The following LMAN2L variants were observed in gnomAD, a reference collection of about 807,000 sequenced individuals.
The protein encoded by LMAN2L is lectin, mannose binding 2 like, also known as VIP36-like protein.
LMAN2L carries 30 observed loss-of-function variants against 44.3 expected under a neutral mutation model. That is an observed-to-expected ratio of 0.68 (90% CI 0.51 to 0.92). LMAN2L has a LOEUF of 0.92. Ranked by LOEUF, LMAN2L falls within the 40% of genes least tolerant of loss-of-function variation. LMAN2L has a pLI of 0.00. For missense variants in LMAN2L, 429 were observed against 446.1 expected (o/e 0.96, Z 0.35); for synonymous variants, 183 against 171.1 (o/e 1.07, Z -0.54).
At chr2:96,714,930 G>A (rs1412763877) in intron 4 of LMAN2L, among the ~76,000 whole-genome samples, 1 of 151,976 alleles carries the variant, frequency 6.6e-6, no homozygotes, top group Non-Finnish European at 1.5e-5. Flanking sequence ...AGAGTGGGGT[G>A]CAGGATTGTT....
At chr2:96,708,238 CCA>C (rs2077828717) in intron 6 of LMAN2L, among the ~76,000 whole-genome samples, 1 of 152,198 alleles carries the variant, frequency 6.6e-6, no homozygotes, top group Non-Finnish European at 1.5e-5. Context: ...GCTGTAGCTC[CCA>C]GTGAGCCACA....
intron 1 of LMAN2L, among the ~76,000 whole-genome samples, chr2:96,738,688 A>T (rs2078568360): frequency 6.6e-6 from 1 of 152,102 alleles, no homozygotes; most frequent in African/African-American, 2.4e-5. Flanking sequence ...AAATATATAA[A>T]TATAAATAAA....
At chr2:96,725,216 C>T (rs72809827) in intron 4 of LMAN2L, among the ~76,000 whole-genome samples, 34,693 of 151,988 alleles carry the variant, frequency 0.23, 5,309 homozygotes, top group Non-Finnish European at 0.32. Flanking sequence ...TCTCAGCCTC[C>T]CAAAATCCCT....
intron 1 of LMAN2L, among the ~76,000 whole-genome samples, chr2:96,739,008 G>A (rs1321892230): frequency 6.6e-6 from 1 of 152,052 alleles, no homozygotes; most frequent in Non-Finnish European, 1.5e-5. Flanking sequence ...CCCAAAGTGC[G>A]GAGATTACAG....
chr2:96,714,271 T>A (rs1055336535), intron 4 of LMAN2L, among the ~76,000 whole-genome samples: 2 of 152,138 alleles, frequency 1.3e-5, no homozygotes, highest in South Asian at 2.1e-4. Flanking sequence ...GGTGGCACAT[T>A]CAAGGAACTG....
chr2:96,728,719 T>C (rs1021453749), intron 4 of LMAN2L, among the ~76,000 whole-genome samples: 21 of 151,426 alleles, frequency 1.4e-4, no homozygotes, highest in African/African-American at 5.1e-4. Flanking sequence ...GGTGTGTGCC[T>C]GTAATCAGCC....
chr2:96,737,389 C>T (rs2078538040), intron 2 of LMAN2L, among the ~76,000 whole-genome samples: 1 of 152,224 alleles, frequency 6.6e-6, no homozygotes, highest in Non-Finnish European at 1.5e-5. Flanking sequence ...GTGGCTCACA[C>T]CTATAATCCC....
rs116341430 is a variant in LMAN2L at position 96,738,595 on chromosome 2, G to A, written c.188-528C>T. ...GGAGGCTGAGTTGGGAGCATCGCTT[G>A]AGCCCAGGAGATTGAAACTGCATGA... On this transcript the variant is annotated intron_variant, in intron 1 of 7. Transcript: ENST00000264963. Among the ~76,000 whole-genome samples, 1,123 of 152,202 alleles carry A rather than the reference G, an allele frequency of 7.4e-3. 13 individuals are homozygous for A. The highest frequency in any genetic ancestry group is 0.026 in the African/African-American group (1,075 of 41,550).
chr2:96,728,636 A>G (rs1005078857), intron 4 of LMAN2L, among the ~76,000 whole-genome samples: 12 of 151,978 alleles, frequency 7.9e-5, no homozygotes, highest in Admixed American at 6.6e-4. Flanking sequence ...TGAAGTCTGG[A>G]GTTTGAGACC....
chr2:96,729,197 T>TAAAAC (rs1027106481), intron 4 of LMAN2L, among the ~76,000 whole-genome samples: 1 of 147,772 alleles, frequency 6.8e-6, no homozygotes, highest in African/African-American at 2.5e-5. Flanking sequence ...TAAAATAAAA[T>TAAAAC]AAAACAAAAT....
chr2:96,733,603 TAGAG>T lies in LMAN2L; in HGVS notation c.425-6_425-3del. On this transcript the variant is annotated splice_polypyrimidine_tract_variant and splice_region_variant and intron_variant, in intron 3 of 7. Coordinates refer to ENST00000264963, the MANE Select transcript of LMAN2L (RefSeq NM_030805.4). Reference sequence around the variant, plus strand: ...TGTCCATGTTTCCAAACACAGGCCCTAGAGAGAGAGAACAGATGATGAACAATGA... The same window carrying T: ...TGTCCATGTTTCCAAACACAGGCCCTAGAGAGAACAGATGATGAACAATGA... 1 of 1,608,898 alleles carries T rather than the reference TAGAG, an allele frequency of 6.2e-7. No homozygotes were observed. Among genetic ancestry groups the T allele is most frequent in the Non-Finnish European group, 8.5e-7 (1 of 1,175,414 alleles).
chr2:96,730,289 C>T (rs2078365132), intron 4 of LMAN2L, among the ~76,000 whole-genome samples: 1 of 152,106 alleles, frequency 6.6e-6, no homozygotes, highest in South Asian at 2.1e-4. Flanking sequence ...CCACTATTTC[C>T]TCAGCATGAC....
rs773987460 is a variant in LMAN2L at position 96,740,036 on chromosome 2, G to A, written c.5C>T (p.Ala2Val). Residue 2 changes from alanine to valine, a missense_variant, in exon 1 of 8, where the codon GCG becomes GTG. Transcript: ENST00000264963. ...CGACCCAAGGGGTCCCAGAGTCGCC[G>A]CCATCTTTCCCACCAACGACCCTTC... MAATLGPLGSWQ... is the reference protein window; with the variant it reads MVATLGPLGSWQ... 3.1e-6 allele frequency: 5 copies of A among 1,604,152 alleles called. No individual in the cohort carries two copies. In the Admixed American group the frequency reaches 5.1e-5, roughly 16 times the overall value.
intron 1 of LMAN2L, among the ~76,000 whole-genome samples, chr2:96,738,943 G>C (rs921103976): frequency 6.6e-6 from 1 of 152,112 alleles, no homozygotes; most frequent in Non-Finnish European, 1.5e-5. Context: ...GGGTTTCACC[G>C]TGTTAGCTAG....
chr2:96,708,576 C>T (rs1002568783), intron 6 of LMAN2L, among the ~76,000 whole-genome samples: 4 of 152,150 alleles, frequency 2.6e-5, no homozygotes, highest in African/African-American at 9.7e-5. Context: ...TATGTTAAAC[C>T]TTCCAGCACA....
chr2:96,728,650 C>T (rs574786917), intron 4 of LMAN2L, among the ~76,000 whole-genome samples: 2 of 152,218 alleles, frequency 1.3e-5, no homozygotes, highest in South Asian at 2.1e-4. Flanking sequence ...TGAGACCAGC[C>T]TGGCCAACGC....
chr2:96,709,649 G>A (rs1306422092), intron 6 of LMAN2L, among the ~76,000 whole-genome samples: 6 of 152,222 alleles, frequency 3.9e-5, no homozygotes, highest in African/African-American at 1.4e-4. Context: ...CAGGATAAAA[G>A]GCCAGGGCAA....
chr2:96,739,747 G>T lies in LMAN2L; in HGVS notation c.187+107C>A, dbSNP rs1322940043. On this transcript the variant is annotated intron_variant, in intron 1 of 7. Coordinates refer to ENST00000264963, the MANE Select transcript of LMAN2L (RefSeq NM_030805.4). ...GTCTCCGTGGGCCCCACCACCGCCA[G>T]CAGTTTCCTCCGGGCCACGAAGCCC... 4.3e-6 allele frequency: 5 copies of T among 1,162,506 alleles called. No individual in the cohort carries two copies. The African/African-American group carries it at 4.5e-5, about 11-fold the overall frequency. The allele number at this position is 1,162,506 out of a possible 1,614,324, so 72.0% of individuals were successfully genotyped here.
intron 6 of LMAN2L, among the ~76,000 whole-genome samples, chr2:96,710,317 TG>T (rs2077885590): frequency 6.6e-6 from 1 of 152,208 alleles, no homozygotes. Flanking sequence ...TCAGTAAAGT[TG>T]ATTTTAAAAA....
Sources: gnomAD v4.1 joint callset for allele counts (sites outside exome capture counted in the v4.1 genomes callset) on GRCh38, gnomAD v4.1.1 for gene constraint, MANE v1.5 for transcripts, NCBI Gene and HGNC (gene_info 2026-07-23, HGNC 2026-07-21) for gene names.